The following PML variants were observed in gnomAD, a reference collection of about 807,000 sequenced individuals.
PML encodes protein PML.
A neutral mutation model predicts 65.2 loss-of-function variants in PML; 28 were observed. The observed-to-expected ratio is 0.43, with a 90% confidence interval of 0.32 to 0.59. The LOEUF (loss-of-function observed/expected upper bound fraction) is 0.59, where lower values mean the gene tolerates loss of function less well. Among genes scored for constraint, PML ranks in the 20% least tolerant of loss-of-function variants. The pLI, the probability that PML is intolerant of heterozygous loss-of-function variation, is 0.08. For synonymous variants in PML, 500 were observed against 508.8 expected, an observed-to-expected ratio of 0.98 and a Z score of 0.23; for missense variants, 1,021 against 1,203.4, an observed-to-expected ratio of 0.85 and a Z score of 2.24.
At chr15:74,014,906 GA>G (rs1340237844) in intron 2 of PML, among the ~76,000 whole-genome samples, 1 of 152,196 alleles carries the variant, frequency 6.6e-6, no homozygotes, top group Non-Finnish European at 1.5e-5. Context: ...ACTGCCTGTT[GA>G]ATGAGTGACA....
chr15:74,002,933 C>G (rs1245001172), intron 2 of PML, among the ~76,000 whole-genome samples: 1 of 152,074 alleles, frequency 6.6e-6, no homozygotes, highest in African/African-American at 2.4e-5. Context: ...TGAGGCCAGC[C>G]TGGGCAATAT....
chr15:73,998,007 GC>G lies in PML; in HGVS notation c.138del (p.Ala47LeufsTer51). The G allele has an allele frequency of 6.2e-7, 1 of 1,611,890 alleles. No homozygotes were observed. Among genetic ancestry groups the G allele is most frequent in the Non-Finnish European group, 8.5e-7 (1 of 1,179,670 alleles). ...ACCTGCCTCTCTGGTCCCCCAGCGAGCCCCCGCTTCGGAGGAGGAGTTCCAG... is the reference window on the plus strand; with the variant it reads ...ACCTGCCTCTCTGGTCCCCCAGCGAGCCCCGCTTCGGAGGAGGAGTTCCAG... ...PSPSPSPTER[A>X]PASEEEFQFL... On this transcript the variant is annotated frameshift_variant, in exon 2 of 9. Coordinates refer to ENST00000268058, the MANE Select transcript of PML (RefSeq NM_033238.3). LOFTEE classifies it high-confidence loss of function.
chr15:73,997,257 C>G (rs145418511), intron 1 of PML, among the ~76,000 whole-genome samples: 4,395 of 152,298 alleles, frequency 0.029, 83 homozygotes, highest in Non-Finnish European at 0.04. Context: ...GTTTTCCTTT[C>G]GATTTAGTTC....
chr15:74,001,367 A>G (rs913977310), intron 2 of PML, among the ~76,000 whole-genome samples: 3 of 148,916 alleles, frequency 2.0e-5, no homozygotes, highest in Non-Finnish European at 4.4e-5. Context: ...TTTTTTGAGA[A>G]TCTCCCTCTG....
Position 74,044,396 on chromosome 15 carries a change from G to C in PML, c.2037G>C (p.Leu679=). 6.2e-7 allele frequency: 1 copy of C among 1,614,224 alleles called. No homozygotes were observed. The highest frequency in any genetic ancestry group is 8.5e-7 in the Non-Finnish European group (1 of 1,180,044). The stretch of plus-strand genomic sequence containing the variant: ...GCCCTATCTTGGCCTGCTACAAGCT[G>C]TGGGGGCCTGGCCTCCCAAACTTCT... The part of the protein sequence containing the change: ...MRRPILACYK[L]WGPGLPNFFR... Residue 679 remains leucine (L), a synonymous_variant, in exon 9 of 9, where the codon CTG becomes CTC. Coordinates refer to ENST00000268058, the MANE Select transcript of PML (RefSeq NM_033238.3).
At chr15:74,018,496 G>T (rs915583547) in intron 2 of PML, among the ~76,000 whole-genome samples, 6 of 151,830 alleles carry the variant, frequency 4.0e-5, no homozygotes, top group Non-Finnish European at 5.9e-5. Context: ...TAGGTATTTT[G>T]TACCTTCTTT....
At chr15:74,034,432 A>T (rs892164941) in intron 6 of PML, 46 bp from the exon 7 acceptor site, 2 of 1,614,030 alleles carry the variant, frequency 1.2e-6, no homozygotes, top group Non-Finnish European at 1.7e-6. Context: ...CCCTCCCAGC[A>T]TGCATCCTAG....
rs765875857 is a variant in PML at position 74,033,148 on chromosome 15, C to T, written c.1399-8C>T. Reference sequence around the variant, plus strand: ...ACCTGACCTGGCTCTGTGACTCCCTCTATGCAGGATGTCTCCAATACAACG... The same window carrying T: ...ACCTGACCTGGCTCTGTGACTCCCTTTATGCAGGATGTCTCCAATACAACG... On this transcript the variant is annotated splice_polypyrimidine_tract_variant and splice_region_variant and intron_variant, in intron 5 of 8. Coordinates refer to ENST00000268058, the MANE Select transcript of PML (RefSeq NM_033238.3). The T allele has an allele frequency of 3.1e-6, 5 of 1,613,964 alleles. No individual in the cohort carries two copies. Among genetic ancestry groups the T allele is most frequent in the Non-Finnish European group, 4.2e-6 (5 of 1,179,934 alleles).
chr15:73,997,909 G>A (rs1567115076), intron 1 of PML, 95 bp from the exon 2 acceptor site: 2 of 1,029,524 alleles, frequency 1.9e-6, no homozygotes, highest in South Asian at 1.3e-5. Context: ...TGGAATATGA[G>A]GTCCTACTCC....
rs531555515 is a variant in PML, at chr15:74,045,391, C to T, written c.*383C>T. ...CTCTGCCCTGACCCCAGCCCCTGCCCCTGGACACCTGCTGACAGCTCCCAC... is the reference window on the plus strand; with the variant it reads ...CTCTGCCCTGACCCCAGCCCCTGCCTCTGGACACCTGCTGACAGCTCCCAC... On this transcript the variant is annotated 3_prime_UTR_variant, in exon 9 of 9. Transcript: ENST00000268058. 1.4e-5 allele frequency: 4 copies of T among 291,698 alleles called. No individual in the cohort carries two copies. Among genetic ancestry groups the T allele is most frequent in the Admixed American group, 9.3e-5 (2 of 21,518 alleles). The allele number at this position is 291,698 out of a possible 1,614,324, so 18.1% of individuals were successfully genotyped here. A position where few individuals can be genotyped will look rare whatever the true frequency, so the allele number is the denominator to read the frequency against.
rs1057030761 is a variant in PML at position 74,042,574 on chromosome 15, T to C, written c.1711-415T>C. Reference sequence around the variant, plus strand: ...TAGCAGATGGCTCCTTCCCTGAGCCTCCATAAGCAGCACAGCACACTCATG... The same window carrying C: ...TAGCAGATGGCTCCTTCCCTGAGCCCCCATAAGCAGCACAGCACACTCATG... On this transcript the variant is annotated intron_variant, in intron 7 of 8. Coordinates refer to ENST00000268058, the MANE Select transcript of PML (RefSeq NM_033238.3). The surrounding 1 kb of genome is among the most constrained non-coding windows in gnomAD (Gnocchi z 5.3). 1.8e-5 allele frequency: 18 copies of C among 985,290 alleles called. No individual in the cohort carries two copies. Among genetic ancestry groups the C allele is most frequent in the Middle Eastern group, 5.2e-4 (1 of 1,936 alleles). The allele number at this position is 985,290 out of a possible 1,614,324, so 61.0% of individuals were successfully genotyped here.
chr15:74,037,117 T>G lies in PML; in HGVS notation c.1710+2587T>G. The G allele has an allele frequency of 1.5e-5, 15 of 985,414 alleles. No individual in the cohort carries two copies. The highest frequency in any genetic ancestry group is 1.8e-5 in the Non-Finnish European group (15 of 829,926). 61.0% of individuals were successfully genotyped at this position (985,414 alleles called of 1,614,324 possible). On this transcript the variant is annotated intron_variant, in intron 7 of 8. Coordinates refer to ENST00000268058, the MANE Select transcript of PML (RefSeq NM_033238.3). The surrounding 1 kb of genome is among the most constrained non-coding windows in gnomAD (Gnocchi z 4.2). ...AAAACTATGAGTGGTTGCCTGTGAC[T>G]GCTAAGGGCTCCTTGGTGCTCCGCC... is the stretch of plus-strand genomic sequence containing the variant.
chr15:74,034,681 C>A, intron 7 of PML, 151 bp downstream of exon 7: 1 of 1,564,246 alleles, frequency 6.4e-7, no homozygotes, highest in Non-Finnish European at 8.7e-7. Flanking sequence ...TGAGGACAGT[C>A]TCCAAATGAC....
rs2071779040 is a variant in PML, at chr15:74,047,142, G to A, written c.*2134G>A. Reference sequence around the variant, plus strand: ...AGGAACTTTGCCACTGCCCTTCACTGGCTAATCCTGTACTTCTCTCTGTGT... The same window carrying A: ...AGGAACTTTGCCACTGCCCTTCACTAGCTAATCCTGTACTTCTCTCTGTGT... On this transcript the variant is annotated 3_prime_UTR_variant, in exon 9 of 9. Transcript: ENST00000268058. 8.7e-6 allele frequency: 2 copies of A among 230,886 alleles called. No homozygotes were observed. The highest frequency in any genetic ancestry group is 1.8e-4 in the South Asian group (1 of 5,520). The allele number at this position is 230,886 out of a possible 1,614,324, so 14.3% of individuals were successfully genotyped here. A position where few individuals can be genotyped will look rare whatever the true frequency, so the allele number is the denominator to read the frequency against.
In PML at chr15:74,030,672, G is replaced by A. The variant is rs561807439; in HGVS notation, c.1255-1900G>A. On this transcript the variant is annotated intron_variant, in intron 4 of 8. Transcript: ENST00000268058. ...TCTCAAAACAAACAAACAAACAAAC[G>A]AACAAAAAACACTAGATTCAAGTCA... 7.5e-5 allele frequency among the ~76,000 whole-genome samples: 11 copies of A among 146,764 alleles called. No individual in the cohort carries two copies. The East Asian group carries it at 1.4e-3, about 19-fold the overall frequency.
chr15:74,035,256 CCAG>C lies in PML; in HGVS notation c.1710+727_1710+729del. ...CCACTCCTCGCCAGCCCACTCCTCGCCAGTCCAGTCTCTGCTGAGAGCACAAGG... is the reference window on the plus strand; with the variant it reads ...CCACTCCTCGCCAGCCCACTCCTCGCTCCAGTCTCTGCTGAGAGCACAAGG... On this transcript the variant is annotated intron_variant, in intron 7 of 8. Coordinates refer to ENST00000268058, the MANE Select transcript of PML (RefSeq NM_033238.3). This position sits in a 1 kb window ranked among gnomAD's most constrained non-coding sequence, Gnocchi z 4.1. 6.2e-7 allele frequency: 1 copy of C among 1,612,934 alleles called. No homozygotes were observed. Among genetic ancestry groups the C allele is most frequent in the Non-Finnish European group, 8.5e-7 (1 of 1,179,444 alleles).
In PML at chr15:74,045,915, G is replaced by T. The variant is rs1338110726; in HGVS notation, c.*907G>T. The T allele has an allele frequency of 8.6e-6, 2 of 232,386 alleles. No homozygotes were observed. Among genetic ancestry groups the T allele is most frequent in the Non-Finnish European group, 1.7e-5 (2 of 117,488 alleles). 14.4% of individuals were successfully genotyped at this position (232,386 alleles called of 1,614,324 possible). On this transcript the variant is annotated 3_prime_UTR_variant, in exon 9 of 9. Coordinates refer to ENST00000268058, the MANE Select transcript of PML (RefSeq NM_033238.3). ...TTCAGGGTGGGGCCCAGCAGTCTGT[G>T]TTTTAACAGGTTCTCCCGGTGATGC...
chr15:74,006,236 T>C (rs147207460), intron 2 of PML, among the ~76,000 whole-genome samples: 11,084 of 151,086 alleles, frequency 0.073, 438 homozygotes, highest in South Asian at 0.15. Context: ...ACCAAAAATA[T>C]AAAAATTCGC....
rs1434324053 is a variant in PML at position 74,024,850 on chromosome 15, T to C, written c.1184-7T>C. On this transcript the variant is annotated splice_region_variant and splice_polypyrimidine_tract_variant and intron_variant, in intron 3 of 8. Transcript: ENST00000268058. The stretch of plus-strand genomic sequence containing the variant: ...GACCTGCCTGTGACCTTCTTTGTGT[T>C]CTACAGATGCAGCTGTATCCAAGAA... 1 of 1,611,406 alleles carries C rather than the reference T, an allele frequency of 6.2e-7. No homozygotes were observed. Among genetic ancestry groups the C allele is most frequent in the Non-Finnish European group, 8.5e-7 (1 of 1,177,512 alleles).
Sources: allele counts gnomAD v4.1 joint callset (sites outside exome capture counted in the v4.1 genomes callset), GRCh38; gene constraint gnomAD v4.1.1; non-coding constraint Gnocchi (gnomAD v3.1); transcripts MANE v1.5; gene names NCBI Gene and HGNC (gene_info 2026-07-23, HGNC 2026-07-21).